Variants in RARB observed in about 807,000 individuals in gnomAD.
RARB encodes the protein retinoic acid receptor beta.
In RARB, 17 loss-of-function variants were observed where a neutral mutation model predicts 51.9. That is an observed-to-expected ratio of 0.33 (90% CI 0.22 to 0.49). RARB has a LOEUF of 0.49. Ranked by LOEUF, RARB falls within the 20% of genes least tolerant of loss-of-function variation. The pLI, the probability that RARB is intolerant of heterozygous loss-of-function variation, is 0.99. For synonymous variants in RARB, 215 were observed against 195.4 expected (o/e 1.10, Z -0.84); for missense variants, 369 against 550.8 (o/e 0.67, Z 3.30).
intron 1 of RARB, among the ~76,000 whole-genome samples, chr3:25,455,249 G>A (rs1470966020): frequency 6.6e-6 from 1 of 152,118 alleles, no homozygotes. Context: ...TTGTGCTTTG[G>A]ACGTCGTTGT....
At chr3:25,363,319 C>G (rs1706010649) in intron 5 of RARB, among the ~76,000 whole-genome samples, 1 of 152,090 alleles carries the variant, frequency 6.6e-6, no homozygotes, top group African/African-American at 2.4e-5. Context: ...ATGTTTACCT[C>G]CAGGTAAACA....
chr3:25,568,282 G>A (rs1377727585), intron 3 of RARB, among the ~76,000 whole-genome samples: 1 of 152,210 alleles, frequency 6.6e-6, no homozygotes, highest in Non-Finnish European at 1.5e-5. Flanking sequence ...TCTCAACCAC[G>A]TGAACTTGAG....
intron 2 of RARB, among the ~76,000 whole-genome samples, chr3:24,882,534 C>T: frequency 6.6e-6 from 1 of 152,312 alleles, no homozygotes; most frequent in East Asian, 1.9e-4. Flanking sequence ...CCCATGGATA[C>T]AAAGGGTGAC....
chr3:25,104,147 G>A (rs1486508458), intron 3 of RARB, among the ~76,000 whole-genome samples: 2 of 152,072 alleles, frequency 1.3e-5, no homozygotes, highest in East Asian at 1.9e-4. Context: ...CAGTCAGCAC[G>A]GAAATGCAAA....
intron 5 of RARB, among the ~76,000 whole-genome samples, chr3:25,363,900 C>G (rs1056285962): frequency 6.6e-6 from 1 of 152,164 alleles, no homozygotes; most frequent in Non-Finnish European, 1.5e-5. Context: ...CAGTAGACTC[C>G]CATCTCGGGT....
Position 25,339,581 on chromosome 3 carries a change from GTT to G in RARB, c.179-121598_179-121597del, listed in dbSNP as rs34570809. Reference sequence around the variant, plus strand: ...TTCCATTAAATTTAATTCAGCTGAAGTTTTTTTTTTTTTTTAATCACACTGTT... The same window carrying G: ...TTCCATTAAATTTAATTCAGCTGAAGTTTTTTTTTTTTTAATCACACTGTT... On this transcript the variant is annotated intron_variant, in intron 5 of 11. Transcript: ENST00000383772. Among the ~76,000 whole-genome samples the G allele has an allele frequency of 1.6e-4, 23 of 143,832 alleles. 1 individual carries two copies. The highest frequency in any genetic ancestry group is 5.1e-4 in the African/African-American group (20 of 39,160). 94.4% of individuals were successfully genotyped at this position (143,832 alleles called of 152,430 possible). A position where few individuals can be genotyped will look rare whatever the true frequency, so the allele number is the denominator to read the frequency against.
intron 4 of RARB, among the ~76,000 whole-genome samples, chr3:25,145,500 C>CAA (rs61068783): frequency 0.082 from 12,392 of 151,554 alleles, 641 homozygotes; most frequent in Non-Finnish European, 0.12. Flanking sequence ...TTGTAAATTT[C>CAA]AAAAAAAAGA....
chr3:25,541,543 A>C (rs1422135894), intron 3 of RARB, among the ~76,000 whole-genome samples: 1 of 152,208 alleles, frequency 6.6e-6, no homozygotes, highest in Non-Finnish European at 1.5e-5. Context: ...ATTCTTTTGC[A>C]TCATCTTGCA....
chr3:24,922,055 T>A (rs1034305723), intron 2 of RARB, among the ~76,000 whole-genome samples: 6 of 152,216 alleles, frequency 3.9e-5, no homozygotes, highest in Non-Finnish European at 1.5e-5. Flanking sequence ...AAGGCAAGTT[T>A]ATTTTGCTAA....
At chr3:25,132,136 C>G (rs1304681312) in intron 3 of RARB, among the ~76,000 whole-genome samples, 4 of 151,818 alleles carry the variant, frequency 2.6e-5, no homozygotes, top group Non-Finnish European at 5.9e-5. Flanking sequence ...GATCTAATCC[C>G]AGTTTTTCCT....
At chr3:24,903,400 G>T (rs1300120585) in intron 2 of RARB, among the ~76,000 whole-genome samples, 1 of 151,976 alleles carries the variant, frequency 6.6e-6, no homozygotes, top group Non-Finnish European at 1.5e-5. Flanking sequence ...TAAATATTAA[G>T]TTTCCCCGGT....
intron 1 of RARB, among the ~76,000 whole-genome samples, chr3:25,458,072 G>C (rs1178550687): frequency 1.3e-5 from 2 of 152,172 alleles, no homozygotes; most frequent in African/African-American, 4.8e-5. Context: ...AACCTTTCTA[G>C]AAGTCAGTTT....
At chr3:25,113,503 A>T (rs989624852) in intron 3 of RARB, among the ~76,000 whole-genome samples, 10 of 152,162 alleles carry the variant, frequency 6.6e-5, no homozygotes, top group African/African-American at 2.4e-4. Context: ...TAAGAGAAAG[A>T]TCATTGCCTT....
intron 2 of RARB, among the ~76,000 whole-genome samples, chr3:24,907,667 C>A (rs1302548053): frequency 1.3e-5 from 2 of 151,936 alleles, no homozygotes; most frequent in Non-Finnish European, 2.9e-5. Context: ...TGCTTCTCTT[C>A]TGAATGAACA....
chr3:25,035,210 C>A (rs1249268769), intron 2 of RARB, among the ~76,000 whole-genome samples: 6 of 152,132 alleles, frequency 3.9e-5, no homozygotes, highest in Non-Finnish European at 8.8e-5. Flanking sequence ...TAGCCTCAGA[C>A]TCCTGCATTC....
At chr3:25,164,288 C>A (rs1047506788) in intron 4 of RARB, among the ~76,000 whole-genome samples, 1 of 152,142 alleles carries the variant, frequency 6.6e-6, no homozygotes, top group Non-Finnish European at 1.5e-5. Context: ...GGATATTGAG[C>A]AGCAAGACTA....
At chr3:25,125,941 C>G (rs941691191) in intron 3 of RARB, among the ~76,000 whole-genome samples, 1 of 152,086 alleles carries the variant, frequency 6.6e-6, no homozygotes, top group African/African-American at 2.4e-5. Context: ...GCAGGAAAAC[C>G]AGACTGAGGG....
chr3:25,009,475 A>G (rs1330760839), intron 2 of RARB, among the ~76,000 whole-genome samples: 2 of 152,114 alleles, frequency 1.3e-5, no homozygotes, highest in East Asian at 3.9e-4. Context: ...ATCGGCATAA[A>G]AATTCAGATC....
chr3:24,873,971 G>A (rs187293281), intron 2 of RARB, among the ~76,000 whole-genome samples: 10 of 152,006 alleles, frequency 6.6e-5, no homozygotes, highest in African/African-American at 2.2e-4. Context: ...AAATAGCAAG[G>A]CAACAAAATA....
Sources: allele counts gnomAD v4.1 joint callset (sites outside exome capture counted in the v4.1 genomes callset), GRCh38; gene constraint gnomAD v4.1.1; transcripts MANE v1.5; gene names NCBI Gene and HGNC (gene_info 2026-07-23, HGNC 2026-07-21).